Variants in NDST4 observed in about 807,000 individuals in gnomAD.
NDST4 encodes N-heparan sulfate sulfotransferase 4.
Under a neutral mutation model 100.8 loss-of-function variants are expected in NDST4, and 63 were observed. The ratio of observed to expected loss-of-function variants is 0.62; its 90% CI spans 0.51 to 0.77. The LOEUF is 0.77. NDST4 is among the 30% of genes least tolerant of loss of function. NDST4 has a pLI of 0.00. For synonymous variants in NDST4, 377 were observed against 361.8 expected (o/e 1.04, Z -0.48); for missense variants, 943 against 1,018.4 (o/e 0.93, Z 1.01).
chr4:114,959,449 T>C (rs941091070), intron 4 of NDST4, among the ~76,000 whole-genome samples: 2 of 152,092 alleles, frequency 1.3e-5, no homozygotes, highest in African/African-American at 2.4e-5. Context: ...CTTATGATCA[T>C]GATGGAAGGT....
intron 4 of NDST4, among the ~76,000 whole-genome samples, chr4:114,950,000 T>A (rs367780216): frequency 1.3e-4 from 20 of 151,990 alleles, no homozygotes; most frequent in African/African-American, 4.8e-4. Context: ...TTTAGAAGAT[T>A]ATAGGAGAGC....
At chr4:114,939,627 G>C (rs750260228) in intron 4 of NDST4, among the ~76,000 whole-genome samples, 3 of 148,960 alleles carry the variant, frequency 2.0e-5, no homozygotes, top group Non-Finnish European at 4.5e-5. Flanking sequence ...TATCTCCTCA[G>C]GAAAAAAAAA....
intron 6 of NDST4, among the ~76,000 whole-genome samples, chr4:114,881,348 C>T (rs889952289): frequency 5.3e-5 from 8 of 151,978 alleles, no homozygotes; most frequent in East Asian, 3.9e-4. Context: ...TTTGATTTGA[C>T]GTCAGGGATG....
intron 2 of NDST4, among the ~76,000 whole-genome samples, chr4:115,045,520 G>A (rs1423030501): frequency 6.6e-6 from 1 of 152,084 alleles, no homozygotes; most frequent in Non-Finnish European, 1.5e-5. Flanking sequence ...TTCTGGTACA[G>A]AGGTTTCATG....
intron 9 of NDST4, among the ~76,000 whole-genome samples, chr4:114,846,802 T>C (rs1723558739): frequency 6.6e-6 from 1 of 152,214 alleles, no homozygotes; most frequent in Non-Finnish European, 1.5e-5. Flanking sequence ...TTTCCCTCTT[T>C]GACATTTGTT....
chr4:115,067,169 G>A (rs781380650), intron 2 of NDST4, among the ~76,000 whole-genome samples: 3 of 152,038 alleles, frequency 2.0e-5, no homozygotes, highest in Non-Finnish European at 4.4e-5. Flanking sequence ...CATACTGCTT[G>A]CTTGACTGGC....
intron 2 of NDST4, among the ~76,000 whole-genome samples, chr4:115,000,120 T>G (rs1170708842): frequency 6.6e-6 from 1 of 151,674 alleles, no homozygotes; most frequent in Non-Finnish European, 1.5e-5. Flanking sequence ...AATGTTAACT[T>G]GCATAATTGT....
At chr4:115,051,167 T>C (rs1049891516) in intron 2 of NDST4, among the ~76,000 whole-genome samples, 3 of 152,126 alleles carry the variant, frequency 2.0e-5, no homozygotes, top group African/African-American at 7.2e-5. Flanking sequence ...TATTGAACTA[T>C]GACCTGCCTT....
At chr4:114,970,985 A>C (rs899122538) in intron 3 of NDST4, among the ~76,000 whole-genome samples, 1 of 152,144 alleles carries the variant, frequency 6.6e-6, no homozygotes, top group East Asian at 1.9e-4. Flanking sequence ...CATAAATAAT[A>C]TATGTTTATT....
chr4:114,845,766 T>C, intron 10 of NDST4, 57 bp downstream of exon 10: 7 of 1,469,654 alleles, frequency 4.8e-6, no homozygotes, highest in Non-Finnish European at 6.5e-6. Flanking sequence ...TTATTTTTCA[T>C]TGCCTCCATT....
At chr4:114,954,400 AG>A (rs1400492710) in intron 4 of NDST4, among the ~76,000 whole-genome samples, 8 of 152,204 alleles carry the variant, frequency 5.3e-5, no homozygotes, top group African/African-American at 1.9e-4. Flanking sequence ...ATGTAAAAGC[AG>A]GATGGCAACT....
At chr4:114,975,289 T>C (rs1471790209) in intron 3 of NDST4, among the ~76,000 whole-genome samples, 2 of 151,874 alleles carry the variant, frequency 1.3e-5, no homozygotes, top group African/African-American at 4.8e-5. Context: ...AAAAATGACA[T>C]ATTTATGTGA....
chr4:115,107,642 C>A (rs1341303194), intron 1 of NDST4, among the ~76,000 whole-genome samples: 1 of 152,082 alleles, frequency 6.6e-6, no homozygotes, highest in South Asian at 2.1e-4. Flanking sequence ...ATAGCACTCA[C>A]AGGCACTACT....
At position 115,076,278 on chromosome 4, in the gene NDST4, A is replaced by G; in HGVS notation, c.759T>C (p.Phe253=). 1 of 1,614,006 alleles carries G rather than the reference A, an allele frequency of 6.2e-7. No homozygotes were observed. ...GCCCCAGATCCTGAATCACCGTTGC[A>G]AAGAGTGTTTTGCTAGACAAGGATG... ...SLSSLSSKTL[F]ATVIQDLGLH... is the part of the protein sequence containing the mutation. The change falls in exon 2 of 14, where the codon TTT becomes TTC. Residue 253 remains phenylalanine (F), a synonymous_variant. Transcript: ENST00000264363.
chr4:115,083,697 G>A lies in NDST4; in HGVS notation c.-246-6415C>T, dbSNP rs945370269. On this transcript the variant is annotated intron_variant, in intron 1 of 13. Coordinates refer to ENST00000264363, the MANE Select transcript of NDST4 (RefSeq NM_022569.3). Reference sequence around the variant, plus strand: ...GAATCATCGTGGTGGTTATCTCCATGCTGTTCTTGTGATAGTGAGTTCTCA... The same window carrying A: ...GAATCATCGTGGTGGTTATCTCCATACTGTTCTTGTGATAGTGAGTTCTCA... Among the ~76,000 whole-genome samples, 12 of 152,130 alleles carry A rather than the reference G, an allele frequency of 7.9e-5. No individual in the cohort carries two copies. In the South Asian group the frequency reaches 1.7e-3, roughly 21 times the overall value.
At chr4:114,838,782 G>A (rs943175453) in intron 11 of NDST4, among the ~76,000 whole-genome samples, 6 of 151,170 alleles carry the variant, frequency 4.0e-5, no homozygotes, top group African/African-American at 1.5e-4. Context: ...AAACCTGCAT[G>A]TTCTGCACAT....
At chr4:114,833,576 A>C in intron 12 of NDST4, 30 bp downstream of exon 12, 1 of 1,391,384 alleles carries the variant, frequency 7.2e-7, no homozygotes, top group Non-Finnish European at 1.0e-6. Flanking sequence ...CAAATAATGG[A>C]AATGAAATCA....
At chr4:115,054,032 C>T (rs1728642158) in intron 2 of NDST4, among the ~76,000 whole-genome samples, 1 of 151,872 alleles carries the variant, frequency 6.6e-6, no homozygotes, top group South Asian at 2.1e-4. Flanking sequence ...CTGTATTTCT[C>T]TAAATGATAA....
At chr4:114,961,373 G>C (rs1350205454) in intron 4 of NDST4, among the ~76,000 whole-genome samples, 1 of 151,882 alleles carries the variant, frequency 6.6e-6, no homozygotes, top group Non-Finnish European at 1.5e-5. Context: ...ATGAAATAGA[G>C]AAGAGAAAAG....
Sources: gnomAD v4.1 joint callset for allele counts (sites outside exome capture counted in the v4.1 genomes callset) on GRCh38, gnomAD v4.1.1 for gene constraint, MANE v1.5 for transcripts, NCBI Gene and HGNC (gene_info 2026-07-23, HGNC 2026-07-21) for gene names.